The following MEI4 variants were observed in gnomAD, a reference collection of about 807,000 sequenced individuals.
MEI4 encodes the protein meiosis-specific protein MEI4.
MEI4 carries 27 observed loss-of-function variants against 31.4 expected under a neutral mutation model. The observed-to-expected ratio is 0.86, with a 90% confidence interval of 0.63 to 1.19. The LOEUF (loss-of-function observed/expected upper bound fraction) is 1.19. Ranked by LOEUF, MEI4 falls within the 50% of genes most tolerant of loss-of-function variation. MEI4 has a pLI of 0.00. For synonymous variants in MEI4, 122 were observed against 145.4 expected (o/e 0.84, Z 1.16); for missense variants, 329 against 398.9 (o/e 0.82, Z 1.49).
intron 3 of MEI4, among the ~76,000 whole-genome samples, chr6:77,814,936 G>A (rs1182993380): frequency 6.6e-6 from 1 of 152,092 alleles, no homozygotes; most frequent in African/African-American, 2.4e-5. Flanking sequence ...ACTTGTCTCA[G>A]ATACTTTTTG....
intron 2 of MEI4, among the ~76,000 whole-genome samples, chr6:77,743,988 C>G (rs548925968): frequency 6.6e-6 from 1 of 152,214 alleles, no homozygotes; most frequent in East Asian, 1.9e-4. Flanking sequence ...TCATTAAAGA[C>G]CAAAAGTAGA....
rs535007343 is a variant in MEI4 at position 77,903,033 on chromosome 6, C to T, written c.901-20056C>T. Among the ~76,000 whole-genome samples, 22 of 152,116 alleles carry T rather than the reference C, an allele frequency of 1.4e-4. No individual in the cohort carries two copies. In the East Asian group the frequency reaches 3.5e-3, roughly 24 times the overall value. On this transcript the variant is annotated intron_variant, in intron 4 of 4. Transcript: ENST00000684080. ...CACCTTCCACTTTACTTATTTATTC[C>T]GACATTTTTCGATGGAGTCTTCAGG...
At chr6:77,835,438 C>CA (rs1256316556) in intron 4 of MEI4, among the ~76,000 whole-genome samples, 2 of 147,628 alleles carry the variant, frequency 1.4e-5, no homozygotes, top group East Asian at 2.0e-4. Flanking sequence ...AAAAAGCTCC[C>CA]AAAAACAGAA....
intron 2 of MEI4, among the ~76,000 whole-genome samples, chr6:77,693,930 A>C (rs899257332): frequency 3.3e-5 from 5 of 152,154 alleles, no homozygotes; most frequent in African/African-American, 9.7e-5. Flanking sequence ...TACTCAATAA[A>C]TGTTGAATTG....
chr6:77,856,041 C>A (rs1380467706), intron 4 of MEI4, among the ~76,000 whole-genome samples: 1 of 152,132 alleles, frequency 6.6e-6, no homozygotes, highest in Non-Finnish European at 1.5e-5. Flanking sequence ...CTTCTGGTAT[C>A]TTGCCCTGGA....
chr6:77,921,326 G>T (rs1343337562), intron 4 of MEI4, among the ~76,000 whole-genome samples: 2 of 151,800 alleles, frequency 1.3e-5, no homozygotes, highest in Non-Finnish European at 2.9e-5. Flanking sequence ...GTTTTGTTCT[G>T]TAGCTTCCTC....
At chr6:77,854,552 TAAG>T (rs1770703169) in intron 4 of MEI4, among the ~76,000 whole-genome samples, 2 of 151,612 alleles carry the variant, frequency 1.3e-5, no homozygotes, top group African/African-American at 2.4e-5. Flanking sequence ...GAGATAAAGA[TAAG>T]AAGGAGGAAA....
intron 3 of MEI4, among the ~76,000 whole-genome samples, chr6:77,790,938 T>G (rs1768907390): frequency 6.6e-6 from 1 of 152,088 alleles, no homozygotes; most frequent in Admixed American, 6.6e-5. Flanking sequence ...AAAACGCTCA[T>G]CATCACTGGC....
intron 1 of MEI4, among the ~76,000 whole-genome samples, chr6:77,662,045 T>C (rs544595890): frequency 6.6e-6 from 1 of 152,290 alleles, no homozygotes; most frequent in African/African-American, 2.4e-5. Context: ...GGAGGACCCT[T>C]GTGTAGTGAG....
chr6:77,650,658 C>T (rs974359789), upstream of MEI4, among the ~76,000 whole-genome samples: 1 of 152,258 alleles, frequency 6.6e-6, no homozygotes. Flanking sequence ...GTGGACCACT[C>T]GTCCCTTTCA....
chr6:77,736,727 G>T (rs553028470), intron 2 of MEI4, among the ~76,000 whole-genome samples: 3 of 152,018 alleles, frequency 2.0e-5, no homozygotes, highest in Middle Eastern at 3.2e-3. Flanking sequence ...TTTAAGCCCT[G>T]CCCATAGCAT....
chr6:77,864,333 C>A (rs527723156), intron 4 of MEI4, among the ~76,000 whole-genome samples: 2 of 152,222 alleles, frequency 1.3e-5, no homozygotes, highest in South Asian at 4.1e-4. Flanking sequence ...ATTCAGGAAA[C>A]CCATCTCACA....
At chr6:77,850,050 T>G (rs1480149584) in intron 4 of MEI4, among the ~76,000 whole-genome samples, 1 of 152,198 alleles carries the variant, frequency 6.6e-6, no homozygotes, top group Non-Finnish European at 1.5e-5. Flanking sequence ...ATAACTATAT[T>G]GTATATTCTA....
intron 2 of MEI4, among the ~76,000 whole-genome samples, chr6:77,706,513 C>T (rs753437712): frequency 6.5e-4 from 99 of 152,174 alleles, no homozygotes; most frequent in Non-Finnish European, 5.4e-4. Context: ...GCTCCCATAT[C>T]AAGTAAAATT....
intron 2 of MEI4, among the ~76,000 whole-genome samples, chr6:77,744,315 G>C (rs1185730812): frequency 1.7e-4 from 26 of 152,254 alleles, no homozygotes; most frequent in African/African-American, 5.8e-4. Context: ...AGAACTACGT[G>C]AAGAATGCAG....
intron 3 of MEI4, among the ~76,000 whole-genome samples, chr6:77,788,560 G>A (rs144016839): frequency 0.17 from 25,711 of 152,044 alleles, 2,765 homozygotes; most frequent in Non-Finnish European, 0.23. Context: ...CAAAGTCTCA[G>A]GATACAAAAT....
intron 4 of MEI4, among the ~76,000 whole-genome samples, chr6:77,908,123 C>A (rs1011188643): frequency 6.0e-5 from 9 of 151,136 alleles, no homozygotes; most frequent in South Asian, 2.1e-4. Context: ...ATGGTAGTTT[C>A]TTTTGCTGTG....
intron 4 of MEI4, among the ~76,000 whole-genome samples, chr6:77,853,229 A>G (rs2127718935): frequency 6.6e-6 from 1 of 152,270 alleles, no homozygotes; most frequent in East Asian, 1.9e-4. Flanking sequence ...AGACAGGTTA[A>G]TGCCAGCAAA....
rs552973606 is a variant in MEI4 at position 77,923,640 on chromosome 6, T to G, written c.*294T>G. The G allele has an allele frequency of 5.2e-6, 1 of 191,164 alleles. No homozygotes were observed. The highest frequency in any genetic ancestry group is 2.3e-5 in the African/African-American group (1 of 43,290). The allele number at this position is 191,164 out of a possible 1,614,324, so 11.8% of individuals were successfully genotyped here. A position where few individuals can be genotyped will look rare whatever the true frequency, so the allele number is the denominator to read the frequency against. On this transcript the variant is annotated 3_prime_UTR_variant, in exon 5 of 5. Coordinates refer to ENST00000684080, the MANE Select transcript of MEI4 (RefSeq NM_001322247.2). ...ATTATTCTGTAAAATGGACCATTAA[T>G]TGTCTGTCCCTTAAAAGATATTGAA... is the stretch of plus-strand genomic sequence containing the variant.
Sources: gnomAD v4.1 joint callset for allele counts (sites outside exome capture counted in the v4.1 genomes callset) on GRCh38, gnomAD v4.1.1 for gene constraint, MANE v1.5 for transcripts, NCBI Gene and HGNC (gene_info 2026-07-23, HGNC 2026-07-21) for gene names.